The following HEATR3 variants were observed in gnomAD, a reference collection of about 807,000 sequenced individuals.
HEATR3 encodes HEAT repeat containing 3, also known as HEAT repeat-containing protein 3.
A neutral mutation model predicts 72.8 loss-of-function variants in HEATR3; 56 were observed. That is an observed-to-expected ratio of 0.77 (90% CI 0.62 to 0.96). The LOEUF is 0.96. Among genes scored for constraint, HEATR3 ranks in the 40% least tolerant of loss-of-function variants. The pLI is 0.00. For synonymous variants in HEATR3, 331 were observed against 318.1 expected (o/e 1.04, Z -0.43); for missense variants, 747 against 831.4 (o/e 0.90, Z 1.25).
intron 11 of HEATR3, among the ~76,000 whole-genome samples, chr16:50,089,640 A>G (rs900843437): frequency 3.3e-5 from 5 of 152,134 alleles, no homozygotes; most frequent in Non-Finnish European, 7.4e-5. Flanking sequence ...TTGATAAAGG[A>G]TAATCGCTTA....
intron 6 of HEATR3, among the ~76,000 whole-genome samples, chr16:50,078,455 T>G (rs528707323): frequency 3.3e-5 from 5 of 152,282 alleles, no homozygotes; most frequent in East Asian, 3.9e-4. Flanking sequence ...CCACTCACTT[T>G]GTCATTTTAA....
In HEATR3 at chr16:50,068,874, A is replaced by T. The variant is rs200316648; in HGVS notation, c.399+7A>T. The T allele has an allele frequency of 2.1e-4, 337 of 1,602,638 alleles. 3 individuals carry two copies. In the Admixed American group the frequency reaches 3.3e-3, roughly 15 times the overall value. ...GGTTGCGCTGCTAAAAGAGGTATGC[A>T]GTTTTTACAGTATCTTGATGGTAGC... On this transcript the variant is annotated splice_region_variant and intron_variant, in intron 3 of 14. Coordinates refer to ENST00000299192, the MANE Select transcript of HEATR3 (RefSeq NM_182922.4).
chr16:50,102,223 G>A (rs771478659), intron 13 of HEATR3, 36 bp from the exon 14 acceptor site: 1 of 1,578,016 alleles, frequency 6.3e-7, no homozygotes. Flanking sequence ...TTGGAGACTG[G>A]TGTTAGTCAT....
chr16:50,067,271 C>T (rs1406298738), intron 2 of HEATR3, among the ~76,000 whole-genome samples: 2 of 151,860 alleles, frequency 1.3e-5, no homozygotes, highest in Admixed American at 1.3e-4. Flanking sequence ...AGGAGAATCG[C>T]TTGAGCCCAG....
chr16:50,102,023 A>G (rs1488641271), intron 13 of HEATR3, among the ~76,000 whole-genome samples: 1 of 152,008 alleles, frequency 6.6e-6, no homozygotes, highest in East Asian at 1.9e-4. Flanking sequence ...TTCCAAAATC[A>G]TACATCATTT....
intron 3 of HEATR3, 31 bp from the exon 4 acceptor site, chr16:50,070,147 C>A: frequency 9.2e-7 from 1 of 1,090,364 alleles, no homozygotes; most frequent in South Asian, 1.4e-5. Context: ...TTCTTAGGAA[C>A]CAGGGTGCTA....
intron 7 of HEATR3, 81 bp downstream of exon 7, chr16:50,079,099 A>C: frequency 7.2e-7 from 1 of 1,394,200 alleles, no homozygotes. Context: ...TTTGCAGAAA[A>C]ATGTTATAGC....
rs1171036277 is a variant in HEATR3 at position 50,106,076 on chromosome 16, C to G, written c.*1015C>G. Reference sequence around the variant, plus strand: ...TTGAATTTTGCAAAGAAAGAAAATCCAAAGCATTGCTTGGATGTTCTTTTA... The same window carrying G: ...TTGAATTTTGCAAAGAAAGAAAATCGAAAGCATTGCTTGGATGTTCTTTTA... On this transcript the variant is annotated 3_prime_UTR_variant, in exon 15 of 15. Transcript: ENST00000299192. 6.6e-6 allele frequency: 1 copy of G among 152,118 alleles called. No individual in the cohort carries two copies. The highest frequency in any genetic ancestry group is 1.5e-5 in the Non-Finnish European group (1 of 68,022). 9.4% of individuals were successfully genotyped at this position (152,118 alleles called of 1,614,324 possible). A position where few individuals can be genotyped will look rare whatever the true frequency, so the allele number is the denominator to read the frequency against.
At chr16:50,080,673 T>G (rs1432541678) in intron 7 of HEATR3, among the ~76,000 whole-genome samples, 2 of 152,002 alleles carry the variant, frequency 1.3e-5, no homozygotes, top group African/African-American at 4.8e-5. Context: ...TGGTTTATTT[T>G]GAGACGAGAT....
At chr16:50,083,866 T>G in intron 7 of HEATR3, 71 bp from the exon 8 acceptor site, 1 of 1,415,492 alleles carries the variant, frequency 7.1e-7, no homozygotes, top group Non-Finnish European at 9.7e-7. Flanking sequence ...AGGCTTTCAC[T>G]AAGGAAATTC....
intron 7 of HEATR3, among the ~76,000 whole-genome samples, chr16:50,082,337 T>G (rs2036885335): frequency 6.6e-6 from 1 of 151,858 alleles, no homozygotes; most frequent in Non-Finnish European, 1.5e-5. Flanking sequence ...AGCAAGACTC[T>G]GTCTCCAAAA....
chr16:50,105,088 C>T lies in HEATR3; in HGVS notation c.*27C>T, dbSNP rs761147769. ...CAATCCAAAAAAGAAACCAGTTCTT[C>T]CCCCAAAGTATTCAATGCTTAGAAT... On this transcript the variant is annotated 3_prime_UTR_variant, in exon 15 of 15. Coordinates refer to ENST00000299192, the MANE Select transcript of HEATR3 (RefSeq NM_182922.4). 57 of 1,603,036 alleles carry T rather than the reference C, an allele frequency of 3.6e-5. No homozygotes were observed. Among genetic ancestry groups the T allele is most frequent in the Non-Finnish European group, 4.2e-5 (49 of 1,175,194 alleles).
intron 6 of HEATR3, among the ~76,000 whole-genome samples, chr16:50,076,571 T>C (rs1162579939): frequency 6.6e-6 from 1 of 152,124 alleles, no homozygotes; most frequent in African/African-American, 2.4e-5. Context: ...AGAGTCCTCC[T>C]CTGTTGCCCA....
intron 7 of HEATR3, among the ~76,000 whole-genome samples, chr16:50,079,655 T>C (rs1374439393): frequency 1.3e-5 from 2 of 152,108 alleles, no homozygotes; most frequent in Non-Finnish European, 2.9e-5. Flanking sequence ...GGGAGAACAC[T>C]TTGTTAAGGA....
rs140509274 is a variant in HEATR3 at position 50,080,576 on chromosome 16, G to A, written c.1041+1558G>A. Among the ~76,000 whole-genome samples the A allele has an allele frequency of 4.7e-3, 716 of 152,172 alleles. 4 individuals carry two copies. Among genetic ancestry groups the A allele is most frequent in the African/African-American group, 0.017 (687 of 41,508 alleles). The stretch of plus-strand genomic sequence containing the variant: ...GCTGGTCTCAAACTCCCGACCTCAG[G>A]TGTCTGCCCGCCTTGGCCTCCCAAA... On this transcript the variant is annotated intron_variant, in intron 7 of 14. Coordinates refer to ENST00000299192, the MANE Select transcript of HEATR3 (RefSeq NM_182922.4).
intron 4 of HEATR3, among the ~76,000 whole-genome samples, chr16:50,071,691 G>A (rs1026454008): frequency 6.6e-6 from 1 of 152,086 alleles, no homozygotes; most frequent in Non-Finnish European, 1.5e-5. Context: ...TAACTAGATA[G>A]GTAGGTAGGT....
intron 12 of HEATR3, among the ~76,000 whole-genome samples, chr16:50,095,397 G>A (rs1034054751): frequency 4.7e-5 from 6 of 127,612 alleles, no homozygotes; most frequent in Non-Finnish European, 8.0e-5. Context: ...GTGAACCACC[G>A]TACCCAGCTT....
intron 5 of HEATR3, chr16:50,074,390 A>AGT: frequency 6.8e-6 from 1 of 146,796 alleles, no homozygotes; most frequent in Middle Eastern, 3.5e-3. Context: ...CCCAGGCTGG[A>AGT]GTGCAGTGGC....
intron 11 of HEATR3, among the ~76,000 whole-genome samples, 167 bp from the exon 12 acceptor site, chr16:50,094,538 C>CTATAA (rs1298807571): frequency 3.3e-5 from 5 of 151,992 alleles, no homozygotes; most frequent in African/African-American, 1.2e-4. Context: ...GTACAGGGGG[C>CTATAA]TGTTAACTAA....
Sources: gnomAD v4.1 joint callset for allele counts (sites outside exome capture counted in the v4.1 genomes callset) on GRCh38, gnomAD v4.1.1 for gene constraint, MANE v1.5 for transcripts, NCBI Gene and HGNC (gene_info 2026-07-23, HGNC 2026-07-21) for gene names.